Variants in XRN1 observed in about 807,000 individuals in gnomAD.
XRN1 encodes the protein strand-exchange protein 1 homolog.
In XRN1, 67 loss-of-function variants were observed where a neutral mutation model predicts 222.3. That is an observed-to-expected ratio of 0.30 (90% CI 0.25 to 0.37). The LOEUF is 0.37. XRN1 is among the 10% of genes least tolerant of loss of function. The pLI, the probability that XRN1 is intolerant of heterozygous loss-of-function variation, is 1.00. For synonymous variants in XRN1, 643 were observed against 652.4 expected, an observed-to-expected ratio of 0.99 and a Z score of 0.22; for missense variants, 1,707 against 2,000.2, an observed-to-expected ratio of 0.85 and a Z score of 2.80.
At position 142,330,567 on chromosome 3, in the gene XRN1, T is replaced by C. The variant is rs187999930; in HGVS notation, c.4223-952A>G. 5.8e-3 allele frequency among the ~76,000 whole-genome samples: 885 copies of C among 151,424 alleles called. 3 individuals carry two copies. The highest frequency in any genetic ancestry group is 9.1e-3 in the Non-Finnish European group (618 of 67,908). On this transcript the variant is annotated intron_variant, in intron 36 of 40. Transcript: ENST00000392981. ...TAACAGGGGCTGGATTCTGAGCTAG[T>C]GACCCTAAGACTCTAAAGCCTATGA...
chr3:142,396,121 G>A (rs2067919878), intron 20 of XRN1, among the ~76,000 whole-genome samples: 1 of 152,040 alleles, frequency 6.6e-6, no homozygotes, highest in Non-Finnish European at 1.5e-5. Flanking sequence ...TTCATTACGT[G>A]TTTTTATTCA....
chr3:142,325,045 C>G (rs1029080654), intron 37 of XRN1, among the ~76,000 whole-genome samples: 4 of 152,132 alleles, frequency 2.6e-5, no homozygotes, highest in African/African-American at 9.7e-5. Flanking sequence ...ATATCTCTTA[C>G]ATATACTGAT....
At chr3:142,421,189 T>G in intron 9 of XRN1, 36 bp from the exon 10 acceptor site, 1 of 1,488,734 alleles carries the variant, frequency 6.7e-7, no homozygotes, top group Non-Finnish European at 8.9e-7. Flanking sequence ...TTTAAATAAT[T>G]TAAGTATATC....
At chr3:142,353,254 C>G (rs745500396) in intron 32 of XRN1, among the ~76,000 whole-genome samples, 4 of 152,036 alleles carry the variant, frequency 2.6e-5, no homozygotes, top group Non-Finnish European at 5.9e-5. Flanking sequence ...TGATTTAAAA[C>G]AAAAATTATC....
chr3:142,426,681 T>G, intron 3 of XRN1, 63 bp downstream of exon 3: 1 of 1,505,040 alleles, frequency 6.6e-7, no homozygotes, highest in Non-Finnish European at 9.1e-7. Flanking sequence ...TAAAATACAT[T>G]TAAAAACCAA....
intron 27 of XRN1, among the ~76,000 whole-genome samples, chr3:142,369,910 G>A (rs1482047231): frequency 2.0e-5 from 3 of 151,734 alleles, no homozygotes; most frequent in Non-Finnish European, 4.4e-5. Context: ...AGCTGGGTAT[G>A]GTGGCAGGCG....
At chr3:142,334,720 TAA>T (rs1201633535) in intron 34 of XRN1, among the ~76,000 whole-genome samples, 79 of 151,420 alleles carry the variant, frequency 5.2e-4, no homozygotes, top group Admixed American at 5.9e-4. Flanking sequence ...TGTATATATA[TAA>T]GACCATATAT....
chr3:142,358,255 G>T (rs1022895762), intron 30 of XRN1, among the ~76,000 whole-genome samples: 4 of 152,088 alleles, frequency 2.6e-5, no homozygotes, highest in African/African-American at 7.2e-5. Flanking sequence ...AAAGTTCTGG[G>T]CCTGTACCTG....
chr3:142,438,466 C>A (rs1397569613), intron 1 of XRN1, among the ~76,000 whole-genome samples: 1 of 152,100 alleles, frequency 6.6e-6, no homozygotes, highest in Non-Finnish European at 1.5e-5. Flanking sequence ...TGGTTACGCA[C>A]CCTGGAAAAG....
At chr3:142,390,209 G>A (rs1415876034) in intron 20 of XRN1, among the ~76,000 whole-genome samples, 1 of 152,226 alleles carries the variant, frequency 6.6e-6, no homozygotes, top group Non-Finnish European at 1.5e-5. Flanking sequence ...AAAGTAACCA[G>A]TTGCACTTTT....
chr3:142,377,244 A>G (rs1201225059), intron 23 of XRN1, among the ~76,000 whole-genome samples: 1 of 151,976 alleles, frequency 6.6e-6, no homozygotes, highest in African/African-American at 2.4e-5. Flanking sequence ...GAAGTAACAG[A>G]TCATATAATA....
chr3:142,413,076 C>T (rs920781644), intron 14 of XRN1, among the ~76,000 whole-genome samples: 1 of 152,112 alleles, frequency 6.6e-6, no homozygotes, highest in Admixed American at 6.5e-5. Flanking sequence ...TCCTGAAGAA[C>T]TGATTCTATT....
intron 33 of XRN1, among the ~76,000 whole-genome samples, chr3:142,340,068 T>C (rs986274870): frequency 2.6e-5 from 4 of 151,650 alleles, no homozygotes; most frequent in African/African-American, 9.7e-5. Flanking sequence ...CATTTGAAAA[T>C]ATATAGGCTG....
chr3:142,370,899 C>CAAAAAAAA (rs1438204067), intron 26 of XRN1, among the ~76,000 whole-genome samples: 1 of 151,212 alleles, frequency 6.6e-6, no homozygotes, highest in East Asian at 1.9e-4. Flanking sequence ...CAAAACAAAA[C>CAAAAAAAA]AAAAAGAAGT....
Position 142,409,120 on chromosome 3 carries a change from A to AT in XRN1, c.1713+3423dup, listed in dbSNP as rs993744380. On this transcript the variant is annotated intron_variant, in intron 15 of 40. Transcript: ENST00000392981. ...TCATGCATGTGTATGTTCTGCATAT[A>AT]TTTTTTTTCTCCTACACTGTGGCTT... 3.9e-5 allele frequency among the ~76,000 whole-genome samples: 6 copies of AT among 152,038 alleles called. No individual in the cohort carries two copies. In the South Asian group the frequency reaches 6.2e-4, roughly 16 times the overall value.
At chr3:142,416,928 G>T in intron 13 of XRN1, among the ~76,000 whole-genome samples, 1 of 151,162 alleles carries the variant, frequency 6.6e-6, no homozygotes. Context: ...GCTACTCAGG[G>T]GGTTGAGGCA....
chr3:142,333,599 G>A (rs1308510252), intron 34 of XRN1, among the ~76,000 whole-genome samples: 1 of 152,142 alleles, frequency 6.6e-6, no homozygotes, highest in Admixed American at 6.5e-5. Context: ...TGGTCTGCAT[G>A]TTTGTATTCC....
intron 19 of XRN1, among the ~76,000 whole-genome samples, chr3:142,399,238 G>GAAAA (rs58300200): frequency 1.7e-5 from 1 of 59,168 alleles, no homozygotes; most frequent in Non-Finnish European, 3.7e-5. Flanking sequence ...AAACAATTCT[G>GAAAA]AAAAAAAAAA....
At chr3:142,379,127 C>T (rs1026246283) in intron 23 of XRN1, among the ~76,000 whole-genome samples, 9 of 151,832 alleles carry the variant, frequency 5.9e-5, no homozygotes, top group Admixed American at 2.0e-4. Flanking sequence ...AAAATTTAGC[C>T]GGGCATGGTG....
Sources: allele counts gnomAD v4.1 joint callset (sites outside exome capture counted in the v4.1 genomes callset), GRCh38; gene constraint gnomAD v4.1.1; transcripts MANE v1.5; gene names NCBI Gene and HGNC (gene_info 2026-07-23, HGNC 2026-07-21).